The following RFPL1 variants were observed in gnomAD, a reference collection of about 807,000 sequenced individuals.
RFPL1 encodes ret finger protein like 1.
Under a neutral mutation model 9.6 loss-of-function variants are expected in RFPL1, and 6 were observed. That is an observed-to-expected ratio of 0.62 (90% CI 0.34 to 1.23). The LOEUF is 1.23. RFPL1 is among the 50% of genes most tolerant of loss of function. RFPL1 has a pLI of 0.03. For missense variants in RFPL1, 352 were observed against 398.4 expected, an observed-to-expected ratio of 0.88 and a Z score of 0.99; for synonymous variants, 145 against 149.4, an observed-to-expected ratio of 0.97 and a Z score of 0.22.
chr22:29,396,905 T>TC, the RFPL1 span, among the ~76,000 whole-genome samples: 1 of 132,196 alleles, frequency 7.6e-6, no homozygotes, highest in South Asian at 2.7e-4. Context: ...TTCTTTTTTT[T>TC]TTTTTTTTTT....
chr22:29,402,097 A>C, the RFPL1 span, among the ~76,000 whole-genome samples: 4 of 152,334 alleles, frequency 2.6e-5, no homozygotes, highest in Non-Finnish European at 5.9e-5. Context: ...CATGACGTCT[A>C]CCTTTACTTT....
chr22:29,399,306 C>T, the RFPL1 span, among the ~76,000 whole-genome samples: 2 of 151,786 alleles, frequency 1.3e-5, no homozygotes, highest in East Asian at 1.9e-4. Context: ...ACAATGCTTC[C>T]CAGTATAGTC....
chr22:29,411,736 T>C, the RFPL1 span, among the ~76,000 whole-genome samples: 1 of 152,338 alleles, frequency 6.6e-6, no homozygotes, highest in South Asian at 2.1e-4. Flanking sequence ...GGAAGTCTGT[T>C]TCTTAGAGTT....
the RFPL1 span, among the ~76,000 whole-genome samples, chr22:29,427,511 T>G: frequency 6.6e-6 from 1 of 152,348 alleles, no homozygotes; most frequent in South Asian, 2.1e-4. Context: ...TGGATGCCCA[T>G]TCTGTGCTGG....
chr22:29,410,271 T>TAC, the RFPL1 span, among the ~76,000 whole-genome samples: 49 of 127,382 alleles, frequency 3.8e-4, no homozygotes, highest in African/African-American at 1.4e-3. Flanking sequence ...TATATATATC[T>TAC]ATATATATAG....
upstream of RFPL1, chr22:29,437,779 TG>T: frequency 3.9e-6 from 6 of 1,537,190 alleles, no homozygotes; most frequent in South Asian, 7.2e-5. Flanking sequence ...TGCCTAGAAA[TG>T]GGGGTTATGC....
the RFPL1 span, among the ~76,000 whole-genome samples, chr22:29,402,316 A>G: frequency 6.6e-6 from 1 of 152,270 alleles, no homozygotes; most frequent in Non-Finnish European, 1.5e-5. Flanking sequence ...TTTACTATTC[A>G]TCTTCATCAA....
chr22:29,438,510 A>G (rs969152590), upstream of RFPL1: 1 of 1,040,532 alleles, frequency 9.6e-7, no homozygotes, highest in Admixed American at 3.5e-5. Flanking sequence ...TATGTTCATC[A>G]ATCAATCTCT....
At chr22:29,398,644 C>T in the RFPL1 span, among the ~76,000 whole-genome samples, 6 of 152,256 alleles carry the variant, frequency 3.9e-5, no homozygotes, top group East Asian at 3.9e-4. Flanking sequence ...GCCCATTCCT[C>T]GGGGCTGCTA....
At chr22:29,442,310 C>T (rs1450071484) in exon 2 of RFPL1, 7 of 440,062 alleles carry the variant, frequency 1.6e-5, no homozygotes, top group Admixed American at 7.7e-5. Flanking sequence ...TTGCCACCAT[C>T]CAACTCATTG....
chr22:29,441,999 G>A (rs1162446328), exon 2 of RFPL1: 1 of 1,614,000 alleles, frequency 6.2e-7, no homozygotes, highest in Non-Finnish European at 8.5e-7. Context: ...CTGCTGAGGA[G>A]CCACTGCACT....
the RFPL1 span, among the ~76,000 whole-genome samples, chr22:29,399,237 T>C: frequency 2.0e-5 from 3 of 149,154 alleles, no homozygotes; most frequent in Non-Finnish European, 4.4e-5. Flanking sequence ...TTTGTTTTTT[T>C]AAATGTGCTC....
the RFPL1 span, among the ~76,000 whole-genome samples, chr22:29,417,300 T>A: frequency 4.1e-4 from 62 of 152,122 alleles, no homozygotes; most frequent in African/African-American, 1.4e-3. Flanking sequence ...CTGGAAGGAA[T>A]CTGACTTGGA....
chr22:29,420,085 T>G, the RFPL1 span, among the ~76,000 whole-genome samples: 47 of 152,200 alleles, frequency 3.1e-4, no homozygotes, highest in Non-Finnish European at 5.6e-4. Context: ...ATGGAGGCCT[T>G]TCCTGTTTTC....
At chr22:29,398,085 C>A in the RFPL1 span, among the ~76,000 whole-genome samples, 2 of 152,200 alleles carry the variant, frequency 1.3e-5, no homozygotes. Flanking sequence ...TCCGCTCTAC[C>A]CTGGGCAGCT....
the RFPL1 span, among the ~76,000 whole-genome samples, chr22:29,417,985 G>A: frequency 6.6e-6 from 1 of 150,454 alleles, no homozygotes; most frequent in East Asian, 1.9e-4. Flanking sequence ...TGTCATCCAG[G>A]CTGGAGTGCA....
the RFPL1 span, among the ~76,000 whole-genome samples, chr22:29,407,640 T>C: frequency 6.6e-6 from 1 of 152,120 alleles, no homozygotes; most frequent in African/African-American, 2.4e-5. Flanking sequence ...TCTTCTAAAA[T>C]AGATTTTAAC....
the RFPL1 span, among the ~76,000 whole-genome samples, chr22:29,411,804 T>C: frequency 3.3e-5 from 5 of 152,210 alleles, no homozygotes; most frequent in Non-Finnish European, 5.9e-5. Context: ...TGAAAGTTGT[T>C]TGAAATGATG....
the RFPL1 span, among the ~76,000 whole-genome samples, chr22:29,418,188 A>T: frequency 1.3e-5 from 2 of 151,836 alleles, no homozygotes; most frequent in African/African-American, 4.8e-5. Context: ...TCGGCCTCCC[A>T]AAGTGCTAGG....
Sources: allele counts gnomAD v4.1 joint callset (sites outside exome capture counted in the v4.1 genomes callset), GRCh38; gene constraint gnomAD v4.1.1; transcripts MANE v1.5; gene names NCBI Gene and HGNC (gene_info 2026-07-23, HGNC 2026-07-21).